FAM83B: variants seen among roughly 807,000 people sequenced by gnomAD.
The protein encoded by FAM83B is scaffolding CK1 anchoring protein B, also known as protein FAM83B.
A neutral mutation model predicts 38.8 loss-of-function variants in FAM83B; 26 were observed. The observed-to-expected ratio is 0.67, with a 90% confidence interval of 0.49 to 0.93. FAM83B has a LOEUF of 0.93. Ranked by LOEUF, FAM83B falls within the 40% of genes least tolerant of loss-of-function variation. FAM83B has a pLI of 0.00. For synonymous variants in FAM83B, 419 were observed against 423.1 expected, an observed-to-expected ratio of 0.99 and a Z score of 0.12; for missense variants, 1,237 against 1,197.3, an observed-to-expected ratio of 1.03 and a Z score of -0.49.
intron 2 of FAM83B, among the ~76,000 whole-genome samples, chr6:54,910,510 G>A (rs1439619336): frequency 6.6e-6 from 1 of 152,070 alleles, no homozygotes; most frequent in East Asian, 1.9e-4. Context: ...CTTTCTGGTG[G>A]TCACCAGGTT....
At position 54,944,891 on chromosome 6, in the gene FAM83B, CT is replaced by C. The variant is rs1284501059; in HGVS notation, c.*2886del. ...ATAAAATGATAAACCAAAGAGTCAA[CT>C]TGTTAACTTTTCTTTTTTAAGAGAT... On this transcript the variant is annotated 3_prime_UTR_variant, in exon 5 of 5. Transcript: ENST00000306858. The C allele has an allele frequency of 6.6e-6, 1 of 152,034 alleles. No individual in the cohort carries two copies. The highest frequency in any genetic ancestry group is 1.9e-4 in the East Asian group (1 of 5,188). 9.4% of individuals were successfully genotyped at this position (152,034 alleles called of 1,614,324 possible). A position where few individuals can be genotyped will look rare whatever the true frequency, so the allele number is the denominator to read the frequency against.
rs1420062535 is a variant in FAM83B at position 54,870,476 on chromosome 6, A to C, written c.230A>C (p.His77Pro). ...NVQKVAQSTA[H>P]GTDDSCDDTL... ...CAGAAAGTTGCACAAAGCACAGCAC[A>C]TGGTACTGATGATTCCTGTGATGAT... The change falls in exon 2 of 5, where the codon CAT (histidine) becomes CCT (proline). Residue 77 changes from histidine to proline, a missense_variant. Physicochemically the swap from His to Pro is moderately conservative, Grantham distance 77. Transcript: ENST00000306858. 1.2e-6 allele frequency: 2 copies of C among 1,613,944 alleles called. No individual in the cohort carries two copies. The highest frequency in any genetic ancestry group is 1.7e-6 in the Non-Finnish European group (2 of 1,179,980).
intron 4 of FAM83B, among the ~76,000 whole-genome samples, chr6:54,931,287 T>A (rs1297728967): frequency 1.3e-5 from 2 of 152,168 alleles, no homozygotes; most frequent in African/African-American, 4.8e-5. Context: ...GTTCTCTATG[T>A]GTTTGTTAGG....
upstream of FAM83B, among the ~76,000 whole-genome samples, chr6:54,846,295 C>T (rs111964264): frequency 0.01 from 1,590 of 152,316 alleles, 19 homozygotes; most frequent in Non-Finnish European, 0.018. Flanking sequence ...GTGCTACAAC[C>T]CTTGCTCTCA....
intron 1 of FAM83B, among the ~76,000 whole-genome samples, chr6:54,864,181 T>C (rs1771649848): frequency 6.6e-6 from 1 of 152,124 alleles, no homozygotes; most frequent in African/African-American, 2.4e-5. Flanking sequence ...TATCTAAAAT[T>C]CCTGTAGTTT....
At chr6:54,923,613 T>G (rs1043890238) in intron 2 of FAM83B, among the ~76,000 whole-genome samples, 1 of 152,144 alleles carries the variant, frequency 6.6e-6, no homozygotes, top group South Asian at 2.1e-4. Context: ...TTTTCTACTC[T>G]CCTAGATGAC....
intron 2 of FAM83B, among the ~76,000 whole-genome samples, chr6:54,923,921 A>G (rs1773226298): frequency 6.7e-6 from 1 of 150,258 alleles, no homozygotes; most frequent in African/African-American, 2.5e-5. Flanking sequence ...CTACTAAAAG[A>G]TATTGTTCCA....
intron 1 of FAM83B, among the ~76,000 whole-genome samples, chr6:54,868,166 T>G (rs1449306264): frequency 6.6e-6 from 1 of 152,166 alleles, no homozygotes; most frequent in Non-Finnish European, 1.5e-5. Flanking sequence ...TGGCATGATA[T>G]CATGAATATG....
chr6:54,847,402 C>A (rs148176322), intron 1 of FAM83B, among the ~76,000 whole-genome samples: 6 of 148,636 alleles, frequency 4.0e-5, no homozygotes, highest in African/African-American at 1.5e-4. Flanking sequence ...TACAGGATCC[C>A]GTTTCTGAGT....
At chr6:54,926,764 G>T (rs1773295850) in intron 3 of FAM83B, among the ~76,000 whole-genome samples, 2 of 152,080 alleles carry the variant, frequency 1.3e-5, no homozygotes, top group Non-Finnish European at 2.9e-5. Flanking sequence ...ACGGAGTCTT[G>T]CTCTCCCTCC....
chr6:54,895,806 T>A (rs1006621564), intron 2 of FAM83B, among the ~76,000 whole-genome samples: 8 of 152,020 alleles, frequency 5.3e-5, no homozygotes, highest in Non-Finnish European at 8.8e-5. Context: ...AGTGGGGTGA[T>A]CTTGGCTCAC....
intron 4 of FAM83B, among the ~76,000 whole-genome samples, chr6:54,939,384 C>A (rs1261279301): frequency 6.6e-6 from 1 of 151,938 alleles, no homozygotes; most frequent in African/African-American, 2.4e-5. Flanking sequence ...ATTGTTTCTT[C>A]TTATTATGTG....
At chr6:54,929,569 A>G (rs1773378545) in intron 4 of FAM83B, among the ~76,000 whole-genome samples, 1 of 152,180 alleles carries the variant, frequency 6.6e-6, no homozygotes, top group Non-Finnish European at 1.5e-5. Flanking sequence ...ATAATTTTAT[A>G]GGCTTTTTCA....
At chr6:54,860,249 G>A (rs1261636637) in intron 1 of FAM83B, among the ~76,000 whole-genome samples, 2 of 152,108 alleles carry the variant, frequency 1.3e-5, no homozygotes, top group Non-Finnish European at 2.9e-5. Flanking sequence ...TGTTGATAAT[G>A]TTGCTTAGTT....
At chr6:54,916,294 G>A (rs1175472165) in intron 2 of FAM83B, among the ~76,000 whole-genome samples, 1 of 152,072 alleles carries the variant, frequency 6.6e-6, no homozygotes, top group East Asian at 1.9e-4. Context: ...TATCACTAAA[G>A]TACAAAATAA....
In FAM83B at chr6:54,940,664, A is replaced by G; in HGVS notation, c.1693A>G (p.Asn565Asp). The G allele has an allele frequency of 1.2e-6, 2 of 1,614,018 alleles. No homozygotes were observed. The highest frequency in any genetic ancestry group is 1.7e-6 in the Non-Finnish European group (2 of 1,180,004). Residue 565 changes from asparagine to aspartate, a missense_variant, in exon 5 of 5, where the codon AAT (asparagine) becomes GAT (aspartate). Coordinates refer to ENST00000306858, the MANE Select transcript of FAM83B (RefSeq NM_001010872.3). The stretch of plus-strand genomic sequence containing the variant: ...TAACAGTTGTACAACTGGCTCCTCA[A>G]ATTCAACTATCATTGGTTCTCAGGG... ...EVNSCTTGSS[N>D]STIIGSQGSE...
rs1199536624 is a variant in FAM83B at position 54,860,047 on chromosome 6, G to A, written c.-60-10140G>A. Among the ~76,000 whole-genome samples, 4 of 50,550 alleles carry A rather than the reference G, an allele frequency of 7.9e-5. No homozygotes were observed. The Admixed American group carries it at 1.1e-3, about 14-fold the overall frequency. The allele number at this position is 50,550 out of a possible 152,430, so 33.2% of individuals were successfully genotyped here. A position where few individuals can be genotyped will look rare whatever the true frequency, so the allele number is the denominator to read the frequency against. ...ACTCAAAGAAAACCACCCTCATTGT[G>A]TGTGTGTGTGTGTGTGTGTGTGTTT... On this transcript the variant is annotated intron_variant, in intron 1 of 4. Coordinates refer to ENST00000306858, the MANE Select transcript of FAM83B (RefSeq NM_001010872.3).
At chr6:54,890,736 A>G (rs1772382147) in intron 2 of FAM83B, among the ~76,000 whole-genome samples, 1 of 152,110 alleles carries the variant, frequency 6.6e-6, no homozygotes, top group Non-Finnish European at 1.5e-5. Flanking sequence ...AATTTATGTA[A>G]TCAGTGAGAA....
At chr6:54,885,858 T>C (rs1014829034) in intron 2 of FAM83B, among the ~76,000 whole-genome samples, 1 of 151,594 alleles carries the variant, frequency 6.6e-6, no homozygotes, top group Non-Finnish European at 1.5e-5. Flanking sequence ...AGGAGATATA[T>C]CTAATGCTAA....
Sources: gnomAD v4.1 joint callset for allele counts (sites outside exome capture counted in the v4.1 genomes callset) on GRCh38, gnomAD v4.1.1 for gene constraint, MANE v1.5 for transcripts, NCBI Gene and HGNC (gene_info 2026-07-23, HGNC 2026-07-21) for gene names.